PTPRG: variants seen among roughly 807,000 people sequenced by gnomAD.
The protein encoded by PTPRG is receptor-type tyrosine-protein phosphatase gamma.
In PTPRG, 102 loss-of-function variants were observed where a neutral mutation model predicts 165.3. That is an observed-to-expected ratio of 0.62 (90% CI 0.53 to 0.73). The LOEUF (loss-of-function observed/expected upper bound fraction) is 0.73, where lower values mean the gene tolerates loss of function less well. PTPRG is among the 30% of genes least tolerant of loss of function. The pLI, the probability that PTPRG is intolerant of heterozygous loss-of-function variation, is 0.00. For missense variants in PTPRG, 1,866 were observed against 1,861.4 expected, an observed-to-expected ratio of 1.00 and a Z score of -0.05; for synonymous variants, 675 against 669.5, an observed-to-expected ratio of 1.01 and a Z score of -0.13.
In PTPRG at chr3:62,273,602, C is replaced by T. The variant is rs1465770336; in HGVS notation, c.3319-96C>T. Reference sequence around the variant, plus strand: ...TGCTTGAAGGAAATCACTGGGAGGTCCCTGTTAGCAGCAGAATTAAACTAA... The same window carrying T: ...TGCTTGAAGGAAATCACTGGGAGGTTCCTGTTAGCAGCAGAATTAAACTAA... On this transcript the variant is annotated intron_variant, in intron 22 of 29. Transcript: ENST00000474889. The surrounding 1 kb of genome is among the most constrained non-coding windows in gnomAD (Gnocchi z 4.1). 4.0e-6 allele frequency: 5 copies of T among 1,241,206 alleles called. No homozygotes were observed. The Admixed American group carries it at 5.6e-5, about 14-fold the overall frequency. 76.9% of individuals were successfully genotyped at this position (1,241,206 alleles called of 1,614,324 possible).
chr3:62,195,581 T>C lies in PTPRG; in HGVS notation c.1327+411T>C, dbSNP rs1404484518. 6.6e-6 allele frequency among the ~76,000 whole-genome samples: 1 copy of C among 152,066 alleles called. No homozygotes were observed. The highest frequency in any genetic ancestry group is 2.4e-5 in the African/African-American group (1 of 41,386). On this transcript the variant is annotated intron_variant, in intron 10 of 29. Coordinates refer to ENST00000474889, the MANE Select transcript of PTPRG (RefSeq NM_002841.4). This position sits in a 1 kb window ranked among gnomAD's most constrained non-coding sequence, Gnocchi z 4.4. ...GCCCATAGCAGCTACACCTCACCCTTCCGACTTGCAAGCCACACAAACAAG... is the reference window on the plus strand; with the variant it reads ...GCCCATAGCAGCTACACCTCACCCTCCCGACTTGCAAGCCACACAAACAAG...
intron 2 of PTPRG, among the ~76,000 whole-genome samples, chr3:61,776,928 C>G (rs1189801735): frequency 6.6e-6 from 1 of 152,056 alleles, no homozygotes; most frequent in Admixed American, 6.6e-5. Context: ...TATTTCTGCA[C>G]TGAACTGTAG....
chr3:62,238,847 GAGTACTTAA>G (rs1701090903), intron 14 of PTPRG, among the ~76,000 whole-genome samples: 1 of 152,156 alleles, frequency 6.6e-6, no homozygotes, highest in Admixed American at 6.5e-5. Context: ...ACCTAAATCA[GAGTACTTAA>G]AGTGTCAGAA....
intron 4 of PTPRG, among the ~76,000 whole-genome samples, chr3:62,061,832 G>T (rs1238662758): frequency 6.6e-6 from 1 of 151,404 alleles, no homozygotes; most frequent in African/African-American, 2.4e-5. Context: ...GTTTCACCAC[G>T]TTGGCCAGGC....
intron 2 of PTPRG, among the ~76,000 whole-genome samples, chr3:61,967,151 A>G (rs932425589): frequency 2.0e-5 from 3 of 152,298 alleles, no homozygotes; most frequent in Admixed American, 6.5e-5. Flanking sequence ...AAAATGGAAT[A>G]CAAAGTCTAG....
chr3:62,030,142 G>C (rs185022230), intron 4 of PTPRG, among the ~76,000 whole-genome samples: 27 of 151,754 alleles, frequency 1.8e-4, no homozygotes, highest in Non-Finnish European at 2.9e-4. Flanking sequence ...ACTTTATGCA[G>C]ATAGGTGTTT....
At chr3:61,666,983 G>A (rs1052530588) in intron 1 of PTPRG, among the ~76,000 whole-genome samples, 21 of 152,284 alleles carry the variant, frequency 1.4e-4, no homozygotes, top group African/African-American at 4.8e-4. Flanking sequence ...TGTAATGGTA[G>A]TGTCTCCTCT....
chr3:62,137,734 C>T (rs1703765473), intron 6 of PTPRG, among the ~76,000 whole-genome samples: 1 of 152,112 alleles, frequency 6.6e-6, no homozygotes, highest in Non-Finnish European at 1.5e-5. Context: ...CTGGTCATCA[C>T]TCGTTGTCAT....
chr3:61,778,820 C>T (rs1165198530), intron 2 of PTPRG, among the ~76,000 whole-genome samples: 1 of 152,076 alleles, frequency 6.6e-6, no homozygotes, highest in Non-Finnish European at 1.5e-5. Flanking sequence ...GAATTCCAGG[C>T]AGAGGGACCA....
chr3:61,817,782 A>T (rs546015443), intron 2 of PTPRG, among the ~76,000 whole-genome samples: 6 of 152,330 alleles, frequency 3.9e-5, no homozygotes, highest in African/African-American at 1.4e-4. Context: ...TCCATAGCAT[A>T]CCTAGTTCCT....
intron 12 of PTPRG, among the ~76,000 whole-genome samples, chr3:62,215,872 C>G (rs1417937809): frequency 3.3e-5 from 5 of 152,138 alleles, no homozygotes; most frequent in Non-Finnish European, 5.9e-5. Context: ...ACTCCCTAAC[C>G]CCTTCCCAAG....
Position 62,074,180 on chromosome 3 carries a change from AGTGT to A in PTPRG, c.520-3954_520-3951del, listed in dbSNP as rs140019903. On this transcript the variant is annotated intron_variant, in intron 4 of 29. Coordinates refer to ENST00000474889, the MANE Select transcript of PTPRG (RefSeq NM_002841.4). ...CAGATGATTGAGGAAAAAAAGTGAG[AGTGT>A]GTGTGTGTGTGTGTGTGTGTGTGTG... Among the ~76,000 whole-genome samples, 689 of 143,680 alleles carry A rather than the reference AGTGT, an allele frequency of 4.8e-3. 6 individuals carry two copies. Among genetic ancestry groups the A allele is most frequent in the African/African-American group, 0.017 (642 of 38,146 alleles). 94.3% of individuals were successfully genotyped at this position (143,680 alleles called of 152,430 possible).
chr3:61,964,016 C>A (rs2040214217), intron 2 of PTPRG, among the ~76,000 whole-genome samples: 1 of 152,142 alleles, frequency 6.6e-6, no homozygotes, highest in African/African-American at 2.4e-5. Context: ...AGATAGTATT[C>A]TATGCAGTAC....
At chr3:62,129,393 C>T (rs1009876870) in intron 5 of PTPRG, among the ~76,000 whole-genome samples, 21 of 152,250 alleles carry the variant, frequency 1.4e-4, no homozygotes, top group African/African-American at 5.1e-4. Context: ...GTGCTGCTGT[C>T]ACAGAATGCC....
intron 5 of PTPRG, among the ~76,000 whole-genome samples, chr3:62,107,118 G>A (rs368998152): frequency 2.0e-5 from 3 of 152,144 alleles, no homozygotes; most frequent in African/African-American, 4.8e-5. Flanking sequence ...AAATAGAAAC[G>A]ACAGTCATAT....
chr3:62,204,215 A>T (rs1189845420), intron 12 of PTPRG, among the ~76,000 whole-genome samples: 2 of 152,206 alleles, frequency 1.3e-5, no homozygotes, highest in Non-Finnish European at 2.9e-5. Flanking sequence ...GACTTCAACC[A>T]GGCAATGATA....
chr3:61,897,928 G>A (rs1292731943), intron 2 of PTPRG, among the ~76,000 whole-genome samples: 1 of 152,026 alleles, frequency 6.6e-6, no homozygotes, highest in Non-Finnish European at 1.5e-5. Flanking sequence ...GAACTCACTA[G>A]TTTTAGGAGG....
intron 4 of PTPRG, among the ~76,000 whole-genome samples, chr3:62,057,022 G>A (rs1700656615): frequency 6.6e-6 from 1 of 152,156 alleles, no homozygotes. Flanking sequence ...GGAATAAACG[G>A]GAGATAAAAG....
chr3:62,190,461 C>A lies in PTPRG; in HGVS notation c.1034-1008C>A, dbSNP rs1286234940. The stretch of plus-strand genomic sequence containing the variant: ...TTGGACCTGTTGAGCATTTGTATAA[C>A]TCATTCAGACCTGTCAAGGTCTCAA... On this transcript the variant is annotated intron_variant, in intron 8 of 29. Coordinates refer to ENST00000474889, the MANE Select transcript of PTPRG (RefSeq NM_002841.4). This position sits in a 1 kb window ranked among gnomAD's most constrained non-coding sequence, Gnocchi z 5.2. Among the ~76,000 whole-genome samples, 2 of 152,172 alleles carry A rather than the reference C, an allele frequency of 1.3e-5. No homozygotes were observed. The highest frequency in any genetic ancestry group is 2.9e-5 in the Non-Finnish European group (2 of 68,024).
Sources: gnomAD v4.1 joint callset for allele counts (sites outside exome capture counted in the v4.1 genomes callset) on GRCh38, gnomAD v4.1.1 for gene constraint, Gnocchi (gnomAD v3.1) non-coding constraint, MANE v1.5 for transcripts, NCBI Gene and HGNC (gene_info 2026-07-23, HGNC 2026-07-21) for gene names.